KIF13A: variants seen among roughly 807,000 people sequenced by gnomAD.
KIF13A encodes kinesin family member 13A, also known as kinesin-like protein KIF13A.
In KIF13A, 79 loss-of-function variants were observed where a neutral mutation model predicts 212.2. That is an observed-to-expected ratio of 0.37 (90% CI 0.31 to 0.45). The LOEUF is 0.45. Among genes scored for constraint, KIF13A ranks in the 20% least tolerant of loss-of-function variants. KIF13A has a pLI of 1.00. For synonymous variants in KIF13A, 789 were observed against 808.6 expected (o/e 0.98, Z 0.41); for missense variants, 1,901 against 2,209.0 (o/e 0.86, Z 2.79).
chr6:17,964,947 C>T (rs747473656), intron 2 of KIF13A, among the ~76,000 whole-genome samples: 2 of 151,992 alleles, frequency 1.3e-5, no homozygotes, highest in South Asian at 2.1e-4. Flanking sequence ...CTCAGCCTCC[C>T]GAGTAGCTGG....
chr6:17,863,828 T>C (rs1769094680), intron 4 of KIF13A, among the ~76,000 whole-genome samples: 2 of 152,154 alleles, frequency 1.3e-5, no homozygotes, highest in East Asian at 1.9e-4. Flanking sequence ...TTTGTTCACT[T>C]CTATTTTTTA....
chr6:17,846,115 C>T (rs186491595), intron 9 of KIF13A, among the ~76,000 whole-genome samples: 3 of 132,918 alleles, frequency 2.3e-5, no homozygotes, highest in Admixed American at 9.2e-5. Flanking sequence ...ACTACCATGC[C>T]GGGCTGATTT....
chr6:17,813,948 C>CTTTTTT (rs36144211), intron 17 of KIF13A, among the ~76,000 whole-genome samples: 5 of 90,734 alleles, frequency 5.5e-5, no homozygotes, highest in Non-Finnish European at 8.3e-5. Flanking sequence ...TAAGGTGCTG[C>CTTTTTT]TTTTTTTTTT....
At chr6:17,959,638 A>ATT (rs898807518) in intron 2 of KIF13A, among the ~76,000 whole-genome samples, 52 of 152,360 alleles carry the variant, frequency 3.4e-4, no homozygotes, top group African/African-American at 1.3e-3. Context: ...AGAATTGATT[A>ATT]TTTTCAATTA....
chr6:17,791,326 C>G (rs912491365), intron 25 of KIF13A, among the ~76,000 whole-genome samples: 1 of 151,374 alleles, frequency 6.6e-6, no homozygotes, highest in Non-Finnish European at 1.5e-5. Context: ...GTTGCAAAAC[C>G]AGCATATTCT....
At chr6:17,761,641 CCA>C (rs1165384704), downstream of KIF13A, among the ~76,000 whole-genome samples, 1 of 152,134 alleles carries the variant, frequency 6.6e-6, no homozygotes, top group Admixed American at 6.5e-5. Flanking sequence ...CCTCAGCCTC[CCA>C]AAGTGTTGGG....
intron 17 of KIF13A, among the ~76,000 whole-genome samples, chr6:17,815,908 T>C (rs1356300771): frequency 1.2e-4 from 1 of 8,104 alleles, no homozygotes; most frequent in Non-Finnish European, 9.4e-4. Context: ...AGTCAGGTTC[T>C]TTTTTTTTTT....
chr6:17,760,923 C>G, downstream of KIF13A: 1 of 1,602,904 alleles, frequency 6.2e-7, no homozygotes, highest in Non-Finnish European at 8.5e-7. Context: ...TCCCCACCTC[C>G]CCACCCCACC....
intron 12 of KIF13A, among the ~76,000 whole-genome samples, 159 bp from the exon 13 acceptor site, chr6:17,831,394 A>G (rs944228050): frequency 1.3e-5 from 2 of 152,032 alleles, no homozygotes; most frequent in African/African-American, 4.8e-5. Flanking sequence ...ACAGTGCATG[A>G]CATCTTGTGG....
At position 17,951,911 on chromosome 6, in the gene KIF13A, C is replaced by G. The variant is rs1199338636; in HGVS notation, c.146+35143G>C. On this transcript the variant is annotated intron_variant, in intron 2 of 38. Coordinates refer to ENST00000259711, the MANE Select transcript of KIF13A (RefSeq NM_022113.6). The surrounding 1 kb of genome is among the most constrained non-coding windows in gnomAD (Gnocchi z 4.9). ...TTTTTCTTAAAAGAATTTTTTGTAG[C>G]CTTCCAAAAAATACCTTTATTTACA... 6.6e-6 allele frequency among the ~76,000 whole-genome samples: 1 copy of G among 151,964 alleles called. No homozygotes were observed. The highest frequency in any genetic ancestry group is 6.6e-5 in the Admixed American group (1 of 15,260).
intron 4 of KIF13A, among the ~76,000 whole-genome samples, chr6:17,873,105 T>C (rs867854911): frequency 6.6e-6 from 1 of 152,116 alleles, no homozygotes. Flanking sequence ...CAGCAGTCAT[T>C]TGTGTTGGAT....
At position 17,858,506 on chromosome 6, in the gene KIF13A, C is replaced by T. The variant is rs538471034; in HGVS notation, c.221-2384G>A. Among the ~76,000 whole-genome samples, 6 of 152,292 alleles carry T rather than the reference C, an allele frequency of 3.9e-5. No individual in the cohort carries two copies. The South Asian group carries it at 1.2e-3, about 32-fold the overall frequency. On this transcript the variant is annotated intron_variant, in intron 4 of 38. Coordinates refer to ENST00000259711, the MANE Select transcript of KIF13A (RefSeq NM_022113.6). ...ATACCTGACCACTCTGGTGCATGAT[C>T]TTTCATACACATTAATATTTATTTC... is the stretch of plus-strand genomic sequence containing the variant.
At chr6:17,969,282 C>T (rs988945235) in intron 2 of KIF13A, among the ~76,000 whole-genome samples, 1 of 152,190 alleles carries the variant, frequency 6.6e-6, no homozygotes. Context: ...TTTGACCACA[C>T]GGCTGGAGGC....
rs1419827439 is a variant in KIF13A, at chr6:17,963,988, A to G, written c.146+23066T>C. ...ACACCTCAGCTAGGCACAATGGGTC[A>G]TGCTTGTAATTCCAGCACTTTGGAA... On this transcript the variant is annotated intron_variant, in intron 2 of 38. Transcript: ENST00000259711. The surrounding 1 kb of genome is among the most constrained non-coding windows in gnomAD (Gnocchi z 4.1). 6.6e-6 allele frequency among the ~76,000 whole-genome samples: 1 copy of G among 152,332 alleles called. No individual in the cohort carries two copies. The highest frequency in any genetic ancestry group is 2.1e-4 in the South Asian group (1 of 4,830).
rs559132219 is a variant in KIF13A at position 17,798,716 on chromosome 6, G to A, written c.2790+550C>T. ...CAGGAAGAGTATATGATGTCTCAAAGGAGATCCAACCACATTCACCACAAA... is the reference window on the plus strand; with the variant it reads ...CAGGAAGAGTATATGATGTCTCAAAAGAGATCCAACCACATTCACCACAAA... On this transcript the variant is annotated intron_variant, in intron 22 of 38. Transcript: ENST00000259711. Among the ~76,000 whole-genome samples the A allele has an allele frequency of 3.3e-5, 5 of 152,244 alleles. No homozygotes were observed. In the East Asian group the frequency reaches 9.6e-4, roughly 29 times the overall value.
chr6:17,933,823 G>T (rs1776217847), intron 2 of KIF13A, among the ~76,000 whole-genome samples: 1 of 152,088 alleles, frequency 6.6e-6, no homozygotes, highest in South Asian at 2.1e-4. Context: ...CTTCTAATGG[G>T]AAATTTCAAC....
At position 17,774,579 on chromosome 6, in the gene KIF13A, T is replaced by C. The variant is rs185620105; in HGVS notation, c.4218+436A>G. ...ACCTGAGGTCAGAAGTTCGAGACCA[T>C]CCTGGCCAACATGGCGAAACTCCAT... is the stretch of plus-strand genomic sequence containing the variant. On this transcript the variant is annotated intron_variant, in intron 35 of 38. Transcript: ENST00000259711. Among the ~76,000 whole-genome samples, 222 of 152,180 alleles carry C rather than the reference T, an allele frequency of 1.5e-3. 1 individual carries two copies. Among genetic ancestry groups the C allele is most frequent in the Middle Eastern group, 0.01 (3 of 294 alleles).
chr6:17,910,020 A>G (rs1773898875), intron 2 of KIF13A, among the ~76,000 whole-genome samples: 1 of 152,258 alleles, frequency 6.6e-6, no homozygotes, highest in Non-Finnish European at 1.5e-5. Context: ...GCAGTATGCT[A>G]CAAACACTTC....
chr6:17,774,930 C>G, intron 35 of KIF13A, 85 bp downstream of exon 35: 1 of 996,638 alleles, frequency 1.0e-6, no homozygotes, highest in Non-Finnish European at 1.5e-6. Flanking sequence ...CCAGGTGAGG[C>G]CCAGAGATTT....
Sources: allele counts gnomAD v4.1 joint callset (sites outside exome capture counted in the v4.1 genomes callset), GRCh38; gene constraint gnomAD v4.1.1; non-coding constraint Gnocchi (gnomAD v3.1); transcripts MANE v1.5; gene names NCBI Gene and HGNC (gene_info 2026-07-23, HGNC 2026-07-21).